ZFYVE21: variants seen among roughly 807,000 people sequenced by gnomAD.
ZFYVE21 encodes zinc finger FYVE-type containing 21.
In ZFYVE21, 21 loss-of-function variants were observed where a neutral mutation model predicts 29.5. The ratio of observed to expected loss-of-function variants is 0.71; its 90% CI spans 0.50 to 1.02. The LOEUF is 1.02. ZFYVE21 is among the 50% of genes least tolerant of loss of function. The probability of loss-of-function intolerance (pLI) is 0.00; values close to 1 mark genes in which losing one functional copy is unlikely to be tolerated. For missense variants in ZFYVE21, 326 were observed against 335.4 expected (o/e 0.97, Z 0.22); for synonymous variants, 151 against 133.8 (o/e 1.13, Z -0.89).
In ZFYVE21 at chr14:103,732,601, C is replaced by T. The variant is rs1327120245; in HGVS notation, c.527-19C>T. On this transcript the variant is annotated intron_variant, in intron 5 of 6. Transcript: ENST00000311141. The stretch of plus-strand genomic sequence containing the variant: ...TCAGGGCCTCCTTTGGGCCGTCTTA[C>T]CTCGTCTCTCTCCTCCAGGAGGCAA... 6.5e-7 allele frequency: 1 copy of T among 1,550,034 alleles called. No individual in the cohort carries two copies.
Position 103,727,733 on chromosome 14 carries a change from C to T in ZFYVE21, c.190-13C>T, listed in dbSNP as rs2083941390. ...TGCCCCTCCTCACTGCCAATCCTCC[C>T]GCATCTGCCCAGCACCACTGTCGCC... On this transcript the variant is annotated splice_polypyrimidine_tract_variant and intron_variant, in intron 2 of 6. Coordinates refer to ENST00000311141, the MANE Select transcript of ZFYVE21 (RefSeq NM_024071.4). 1.9e-6 allele frequency: 3 copies of T among 1,602,108 alleles called. No homozygotes were observed. The highest frequency in any genetic ancestry group is 2.5e-6 in the Non-Finnish European group (3 of 1,178,142).
Position 103,730,234 on chromosome 14 carries a change from CT to C in ZFYVE21, c.526+1053del, listed in dbSNP as rs2083961932. 4.4e-5 allele frequency: 10 copies of C among 225,310 alleles called. No homozygotes were observed. In the South Asian group the frequency reaches 6.8e-4, roughly 15 times the overall value. The allele number at this position is 225,310 out of a possible 1,614,324, so 14.0% of individuals were successfully genotyped here. A position where few individuals can be genotyped will look rare whatever the true frequency, so the allele number is the denominator to read the frequency against. ...AGCTCAGTGTGGCCTCCTGGGACCCCTGACTCTCCTGGCACTTCTGTCAGCC... is the reference window on the plus strand; with the variant it reads ...AGCTCAGTGTGGCCTCCTGGGACCCCGACTCTCCTGGCACTTCTGTCAGCC... On this transcript the variant is annotated intron_variant, in intron 5 of 6. Transcript: ENST00000311141.
chr14:103,727,877 G>A lies in ZFYVE21; in HGVS notation c.321G>A (p.Ala107=), dbSNP rs751739839. 1 of 1,613,026 alleles carries A rather than the reference G, an allele frequency of 6.2e-7. No individual in the cohort carries two copies. The highest frequency in any genetic ancestry group is 1.1e-5 in the South Asian group (1 of 91,068). Residue 107 remains alanine, a synonymous_variant, in exon 3 of 7, where the codon GCG becomes GCA. Coordinates refer to ENST00000311141, the MANE Select transcript of ZFYVE21 (RefSeq NM_024071.4). ...GCGCCCTCGTGTCCCTCAAGGAGGCGGAGTTCTACGACAAGCAGCTCAAAG... is the reference window on the plus strand; with the variant it reads ...GCGCCCTCGTGTCCCTCAAGGAGGCAGAGTTCTACGACAAGCAGCTCAAAG... The part of the protein sequence containing the change: ...AECALVSLKE[A]EFYDKQLKVL...
In ZFYVE21 at chr14:103,727,802, G is replaced by A. The variant is rs1368513031; in HGVS notation, c.246G>A (p.Val82=). 3.7e-6 allele frequency: 6 copies of A among 1,612,590 alleles called. No homozygotes were observed. In the South Asian group the frequency reaches 4.4e-5, roughly 12 times the overall value. ...GCGACAGGTGCTGCAGCCAGAAGGT[G>A]CCGCTGCGGCGCATGTGCTTTGTGG... is the stretch of plus-strand genomic sequence containing the variant. ...CFCDRCCSQK[V]PLRRMCFVDP... is the part of the protein sequence containing the mutation. Residue 82 remains valine (V), a synonymous_variant, in exon 3 of 7, where the codon GTG becomes GTA. Coordinates refer to ENST00000311141, the MANE Select transcript of ZFYVE21 (RefSeq NM_024071.4).
chr14:103,732,925 G>A (rs1470247779), intron 6 of ZFYVE21, 58 bp from the exon 7 acceptor site: 1 of 1,613,340 alleles, frequency 6.2e-7, no homozygotes, highest in Non-Finnish European at 8.5e-7. Flanking sequence ...CACAGGCTTG[G>A]CTCCACCAGG....
In ZFYVE21 at chr14:103,725,674, CAT is replaced by C. The variant is rs2083917039; in HGVS notation, c.139-1117_139-1116del. The C allele has an allele frequency of 2.0e-5, 3 of 152,410 alleles. No homozygotes were observed. In the South Asian group the frequency reaches 6.2e-4, roughly 32 times the overall value. 9.4% of individuals were successfully genotyped at this position (152,410 alleles called of 1,614,324 possible). A position where few individuals can be genotyped will look rare whatever the true frequency, so the allele number is the denominator to read the frequency against. Reference sequence around the variant, plus strand: ...TGGGGGGCTTCAGCATAGACCACCACATGTGTGTCTCTGGGTGCTTGGTAAAT... The same window carrying C: ...TGGGGGGCTTCAGCATAGACCACCACGTGTGTCTCTGGGTGCTTGGTAAAT... On this transcript the variant is annotated intron_variant, in intron 1 of 6. Transcript: ENST00000311141.
intron 5 of ZFYVE21, 128 bp from the exon 6 acceptor site, chr14:103,732,492 G>C (rs995465616): frequency 5.9e-6 from 7 of 1,187,940 alleles, no homozygotes; most frequent in Non-Finnish European, 8.0e-6. Flanking sequence ...CTGAGCACCA[G>C]CCCTCACTGC....
Position 103,715,984 on chromosome 14 carries a change from G to A in ZFYVE21, c.138+5G>A. ...CAGTGGGTCCCGGACAAGGAGGTGG[G>A]TGGCCGTCGCCCCGGCCAGCGCCTC... On this transcript the variant is annotated splice_donor_5th_base_variant and intron_variant, in intron 1 of 6. Coordinates refer to ENST00000311141, the MANE Select transcript of ZFYVE21 (RefSeq NM_024071.4). The A allele has an allele frequency of 1.6e-6, 2 of 1,285,264 alleles. No individual in the cohort carries two copies. The highest frequency in any genetic ancestry group is 2.0e-6 in the Non-Finnish European group (2 of 1,004,498). 79.6% of individuals were successfully genotyped at this position (1,285,264 alleles called of 1,614,324 possible).
In ZFYVE21 at chr14:103,727,932, GCA is replaced by G; in HGVS notation, c.358+21_358+22del. On this transcript the variant is annotated intron_variant, in intron 3 of 6. Transcript: ENST00000311141. Reference sequence around the variant, plus strand: ...CCTGAGCGGTAAGGACGGGTGTCCTGCACAGTCCCGCGCGCTCCGCCAGCCGG... The same window carrying G: ...CCTGAGCGGTAAGGACGGGTGTCCTGCAGTCCCGCGCGCTCCGCCAGCCGG... 6.3e-6 allele frequency: 10 copies of G among 1,591,288 alleles called. No homozygotes were observed. The highest frequency in any genetic ancestry group is 8.6e-6 in the Non-Finnish European group (10 of 1,164,008).
rs1197382587 is a variant in ZFYVE21, at chr14:103,733,116, G to C, written c.*98G>C. ...CTTGCGTACCACAGGGATTAATCCT[G>C]CTTGTGCTGGGAAATGCAACTCACT... On this transcript the variant is annotated 3_prime_UTR_variant, in exon 7 of 7. Transcript: ENST00000311141. 6.6e-7 allele frequency: 1 copy of C among 1,519,400 alleles called. No homozygotes were observed. Among genetic ancestry groups the C allele is most frequent in the South Asian group, 1.1e-5 (1 of 86,984 alleles). The allele number at this position is 1,519,400 out of a possible 1,614,324, so 94.1% of individuals were successfully genotyped here.
At chr14:103,729,853 C>T in intron 5 of ZFYVE21, 2 of 1,536,154 alleles carry the variant, frequency 1.3e-6, no homozygotes, top group South Asian at 1.2e-5. Flanking sequence ...GAAGGTCAGC[C>T]TCTTCCTCCT....
chr14:103,723,912 G>A (rs2083897098), intron 1 of ZFYVE21, among the ~76,000 whole-genome samples: 1 of 152,254 alleles, frequency 6.6e-6, no homozygotes, highest in Non-Finnish European at 1.5e-5. Flanking sequence ...TTGCAGGGTG[G>A]CAGGGACACG....
At chr14:103,719,134 T>C (rs530832564) in intron 1 of ZFYVE21, among the ~76,000 whole-genome samples, 2 of 152,142 alleles carry the variant, frequency 1.3e-5, no homozygotes, top group African/African-American at 2.4e-5. Context: ...AAAAATTAGC[T>C]GGGCGTGGTG....
intron 5 of ZFYVE21, chr14:103,729,638 C>G: frequency 1.1e-6 from 1 of 949,988 alleles, no homozygotes; most frequent in Non-Finnish European, 1.6e-6. Flanking sequence ...TCCTGGGCCT[C>G]TCCACTAAAC....
intron 4 of ZFYVE21, 34 bp downstream of exon 4, chr14:103,729,017 A>T: frequency 1.2e-6 from 2 of 1,613,806 alleles, no homozygotes; most frequent in Non-Finnish European, 1.7e-6. Context: ...ACGGGGCAGC[A>T]TTGTCACAGA....
intron 1 of ZFYVE21, among the ~76,000 whole-genome samples, chr14:103,722,101 T>C (rs2083877309): frequency 1.3e-5 from 2 of 152,246 alleles, no homozygotes; most frequent in South Asian, 2.1e-4. Context: ...TGTCCTGCGC[T>C]TCCTTTGCGG....
chr14:103,727,792 G>A lies in ZFYVE21; in HGVS notation c.236G>A (p.Ser79Asn), dbSNP rs140919160. ...CGKCFCDRCC[S>N]QKVPLRRMCF... ...AAGTGCTTCTGCGACAGGTGCTGCA[G>A]CCAGAAGGTGCCGCTGCGGCGCATG... is the stretch of plus-strand genomic sequence containing the variant. The change falls in exon 3 of 7, where the codon AGC becomes AAC. Residue 79 changes from serine (S) to asparagine (N), a missense_variant. Coordinates refer to ENST00000311141, the MANE Select transcript of ZFYVE21 (RefSeq NM_024071.4). The A allele has an allele frequency of 3.7e-6, 6 of 1,612,058 alleles. No individual in the cohort carries two copies. The highest frequency in any genetic ancestry group is 4.2e-6 in the Non-Finnish European group (5 of 1,179,894).
In ZFYVE21 at chr14:103,732,768, T is replaced by A; in HGVS notation, c.669+6T>A. 6.2e-7 allele frequency: 1 copy of A among 1,611,386 alleles called. No individual in the cohort carries two copies. The highest frequency in any genetic ancestry group is 8.5e-7 in the Non-Finnish European group (1 of 1,179,088). On this transcript the variant is annotated splice_donor_region_variant and intron_variant, in intron 6 of 6. Transcript: ENST00000311141. ...GGCTAGTGGCCATGCACAAGGTACCTGAGCCCAGGCCAGGGAGGCTGGGCC... is the reference window on the plus strand; with the variant it reads ...GGCTAGTGGCCATGCACAAGGTACCAGAGCCCAGGCCAGGGAGGCTGGGCC...
intron 2 of ZFYVE21, 199 bp from the exon 3 acceptor site, chr14:103,727,547 C>G (rs758153956): frequency 2.7e-6 from 2 of 728,646 alleles, no homozygotes; most frequent in South Asian, 3.0e-5. Flanking sequence ...AAAAAAGGGC[C>G]TCATTTCCCA....
Sources: allele counts gnomAD v4.1 joint callset (sites outside exome capture counted in the v4.1 genomes callset), GRCh38; gene constraint gnomAD v4.1.1; transcripts MANE v1.5; gene names NCBI Gene and HGNC (gene_info 2026-07-23, HGNC 2026-07-21).